Variants in WWOX observed in about 807,000 individuals in gnomAD.
WWOX encodes WW domain containing oxidoreductase.
Under a neutral mutation model 46.2 loss-of-function variants are expected in WWOX, and 69 were observed. The observed-to-expected ratio is 1.49, with a 90% CI of 1.23 to 1.82. The LOEUF (loss-of-function observed/expected upper bound fraction) is 1.82, where lower values mean the gene tolerates loss of function less well. Among genes scored for constraint, WWOX ranks in the 40% most tolerant of loss-of-function variants. WWOX has a pLI of 0.00. For synonymous variants in WWOX, 359 were observed against 202.6 expected (o/e 1.77, Z -6.56); for missense variants, 919 against 542.6 (o/e 1.69, Z -6.89).
intron 8 of WWOX, among the ~76,000 whole-genome samples, chr16:78,596,924 C>G (rs929728901): frequency 3.3e-5 from 5 of 152,186 alleles, no homozygotes; most frequent in African/African-American, 1.2e-4. Flanking sequence ...TCTCTTGATG[C>G]TATCCTCAAT....
chr16:78,243,374 A>G (rs1381104252), intron 5 of WWOX, among the ~76,000 whole-genome samples: 1 of 152,218 alleles, frequency 6.6e-6, no homozygotes, highest in Non-Finnish European at 1.5e-5. Flanking sequence ...TTTTTAAAAA[A>G]CTTTAGTTTC....
At chr16:79,104,625 A>G (rs1405119452) in intron 8 of WWOX, among the ~76,000 whole-genome samples, 2 of 152,186 alleles carry the variant, frequency 1.3e-5, no homozygotes, top group Non-Finnish European at 2.9e-5. Flanking sequence ...GCACATATGT[A>G]TGTCACCATG....
chr16:78,328,279 G>A (rs2080675439), intron 5 of WWOX, among the ~76,000 whole-genome samples: 1 of 152,264 alleles, frequency 6.6e-6, no homozygotes, highest in East Asian at 1.9e-4. Context: ...TCGTGGTCTT[G>A]TTTATAATCG....
intron 8 of WWOX, among the ~76,000 whole-genome samples, chr16:78,462,702 G>A (rs912470081): frequency 3.3e-5 from 5 of 152,160 alleles, no homozygotes; most frequent in Non-Finnish European, 7.3e-5. Flanking sequence ...CTGGAAAGGT[G>A]CAATAACATC....
chr16:78,129,247 C>T (rs2033490676), intron 4 of WWOX, among the ~76,000 whole-genome samples: 1 of 151,892 alleles, frequency 6.6e-6, no homozygotes, highest in Admixed American at 6.6e-5. Flanking sequence ...GTCATCATCG[C>T]GACGCTGTTA....
chr16:78,832,943 C>T (rs1315517329), intron 8 of WWOX, among the ~76,000 whole-genome samples: 2 of 151,812 alleles, frequency 1.3e-5, no homozygotes, highest in Non-Finnish European at 2.9e-5. Context: ...GGATTTCTGC[C>T]ATTTGGACAA....
chr16:78,875,272 C>G (rs979755127), intron 8 of WWOX, among the ~76,000 whole-genome samples: 1 of 152,134 alleles, frequency 6.6e-6, no homozygotes, highest in African/African-American at 2.4e-5. Flanking sequence ...CCCAGTAAAT[C>G]AAGTAATAGG....
At chr16:78,663,937 G>T (rs2550644) in intron 8 of WWOX, among the ~76,000 whole-genome samples, 2 of 152,190 alleles carry the variant, frequency 1.3e-5, no homozygotes, top group African/African-American at 2.4e-5. Flanking sequence ...GCTATCAAGA[G>T]GGGGGCCAAC....
At chr16:79,122,039 TG>T (rs1193340739) in intron 8 of WWOX, among the ~76,000 whole-genome samples, 1 of 152,138 alleles carries the variant, frequency 6.6e-6, no homozygotes, top group Non-Finnish European at 1.5e-5. Context: ...CTTACAACCC[TG>T]ATGGGTCCCA....
At chr16:78,354,396 G>A (rs1305262658) in intron 5 of WWOX, among the ~76,000 whole-genome samples, 1 of 143,554 alleles carries the variant, frequency 7.0e-6, no homozygotes, top group Non-Finnish European at 1.5e-5. Context: ...TTTCCAGAGG[G>A]ACTCAGGCAC....
intron 8 of WWOX, among the ~76,000 whole-genome samples, chr16:78,605,805 A>G (rs2045742790): frequency 6.6e-6 from 1 of 152,130 alleles, no homozygotes; most frequent in African/African-American, 2.4e-5. Flanking sequence ...CTCATGGTTA[A>G]ATTGAACCTT....
At position 78,857,417 on chromosome 16, in the gene WWOX, C is replaced by A. The variant is rs536590418; in HGVS notation, c.1057-354191C>A. 1.6e-4 allele frequency among the ~76,000 whole-genome samples: 25 copies of A among 152,296 alleles called. 1 individual carries two copies. The South Asian group carries it at 5.0e-3, about 30-fold the overall frequency. ...ATAAAAAAGAAGAGTTGTCCTGAAT[C>A]TGGTCTGGAATAGAACCTTTTTTTC... is the stretch of plus-strand genomic sequence containing the variant. On this transcript the variant is annotated intron_variant, in intron 8 of 8. Transcript: ENST00000566780.
chr16:78,353,228 T>G (rs1301272413), intron 5 of WWOX, among the ~76,000 whole-genome samples: 1 of 152,176 alleles, frequency 6.6e-6, no homozygotes, highest in African/African-American at 2.4e-5. Context: ...TTGAGATTGT[T>G]TATGTAGGGG....
At chr16:78,965,379 G>C (rs1207449136) in intron 8 of WWOX, among the ~76,000 whole-genome samples, 1 of 152,042 alleles carries the variant, frequency 6.6e-6, no homozygotes, top group Non-Finnish European at 1.5e-5. Context: ...GACTAGCCTG[G>C]TCAACATGGT....
chr16:78,819,729 G>A (rs939247004), intron 8 of WWOX, among the ~76,000 whole-genome samples: 12 of 152,166 alleles, frequency 7.9e-5, no homozygotes, highest in Non-Finnish European at 1.3e-4. Flanking sequence ...CAATTCTGGG[G>A]TTCGCCTGCC....
chr16:78,570,603 G>A (rs1197213061), intron 8 of WWOX, among the ~76,000 whole-genome samples: 10 of 152,070 alleles, frequency 6.6e-5, no homozygotes, highest in East Asian at 1.9e-4. Flanking sequence ...TGTGAGCCAC[G>A]AAGCCCAGCT....
chr16:78,531,627 G>T (rs2043623852), intron 8 of WWOX, among the ~76,000 whole-genome samples: 1 of 152,132 alleles, frequency 6.6e-6, no homozygotes, highest in African/African-American at 2.4e-5. Flanking sequence ...TGAATCACTT[G>T]AGGTCAGGAG....
At chr16:78,388,125 G>A (rs74028160) in intron 6 of WWOX, among the ~76,000 whole-genome samples, 3,031 of 152,228 alleles carry the variant, frequency 0.02, 103 homozygotes, top group African/African-American at 0.068. Context: ...TCCCACTGTG[G>A]GCCCAAGTGA....
chr16:79,196,112 C>T (rs935621083), intron 8 of WWOX, among the ~76,000 whole-genome samples: 1 of 152,170 alleles, frequency 6.6e-6, no homozygotes, highest in Non-Finnish European at 1.5e-5. Flanking sequence ...AGGTTTGGCA[C>T]CTCTGATAAA....
Sources: allele counts gnomAD v4.1 joint callset (sites outside exome capture counted in the v4.1 genomes callset), GRCh38; gene constraint gnomAD v4.1.1; transcripts MANE v1.5; gene names NCBI Gene and HGNC (gene_info 2026-07-23, HGNC 2026-07-21).